DNAAF9: variants seen among roughly 807,000 people sequenced by gnomAD.
DNAAF9 encodes shulin.
DNAAF9 carries 90 observed loss-of-function variants against 167.0 expected under a neutral mutation model. The observed-to-expected ratio is 0.54, with a 90% CI of 0.45 to 0.64. DNAAF9 has a LOEUF of 0.64. Ranked by LOEUF, DNAAF9 falls within the 30% of genes least tolerant of loss-of-function variation. The pLI is 0.00. For synonymous variants in DNAAF9, 491 were observed against 508.8 expected (o/e 0.96, Z 0.47); for missense variants, 1,315 against 1,442.2 (o/e 0.91, Z 1.43).
intron 1 of DNAAF9, among the ~76,000 whole-genome samples, chr20:3,393,192 T>C (rs142812602): frequency 0.013 from 1,958 of 152,260 alleles, 41 homozygotes; most frequent in African/African-American, 0.045. Flanking sequence ...ATTTATTTAT[T>C]TTTGAGACAG....
rs540663638 is a variant in DNAAF9, at chr20:3,376,892, G to A, written c.284-590C>T. On this transcript the variant is annotated intron_variant, in intron 3 of 36. Coordinates refer to ENST00000252032, the MANE Select transcript of DNAAF9 (RefSeq NM_001009984.3). ...AGCCTGACCAACATGGTGAAACCCC[G>A]TCTCTACTAAAAACAAAAACACAAA... Among the ~76,000 whole-genome samples, 11 of 152,158 alleles carry A rather than the reference G, an allele frequency of 7.2e-5. 2 individuals are homozygous for A. Among genetic ancestry groups the A allele is most frequent in the African/African-American group, 2.4e-4 (10 of 41,530 alleles).
chr20:3,354,182 T>C (rs933530610), intron 7 of DNAAF9, among the ~76,000 whole-genome samples: 2 of 152,190 alleles, frequency 1.3e-5, no homozygotes, highest in African/African-American at 4.8e-5. Flanking sequence ...CAGAAAAATA[T>C]CTAGACAAAA....
chr20:3,284,374 G>T (rs1165704355), intron 27 of DNAAF9, among the ~76,000 whole-genome samples: 1 of 151,798 alleles, frequency 6.6e-6, no homozygotes, highest in Non-Finnish European at 1.5e-5. Context: ...TAGAGACAGG[G>T]TTTCCTCATG....
intron 23 of DNAAF9, chr20:3,295,719 C>T (rs2069062603): frequency 1.6e-6 from 1 of 607,836 alleles, no homozygotes; most frequent in Admixed American, 1.9e-5. Context: ...CTTTTATTAT[C>T]TGGCATAACG....
At position 3,304,444 on chromosome 20, in the gene DNAAF9, T is replaced by C. The variant is rs777294396; in HGVS notation, c.1778A>G (p.Asp593Gly). Residue 593 changes from aspartate to glycine, a missense_variant, in exon 21 of 37, where the codon GAT (aspartate) becomes GGT (glycine). Around this residue, in one of 2 missense-constraint regions of DNAAF9, gnomAD observed 981 missense variants for 1,012.5 expected, o/e 0.97. Transcript: ENST00000252032. ...ACTGACTAGTAAAACACCTACCCCATCATAGAAGGAAATGGAATTCATGTG... is the reference window on the plus strand; with the variant it reads ...ACTGACTAGTAAAACACCTACCCCACCATAGAAGGAAATGGAATTCATGTG... ...KDHMNSISFY[D>G]GDSTSTVAAL... is the part of the protein sequence containing the mutation. 3.4e-5 allele frequency: 47 copies of C among 1,392,642 alleles called. No individual in the cohort carries two copies. The highest frequency in any genetic ancestry group is 4.7e-5 in the Non-Finnish European group (46 of 978,680). 86.3% of individuals were successfully genotyped at this position (1,392,642 alleles called of 1,614,324 possible).
intron 6 of DNAAF9, among the ~76,000 whole-genome samples, chr20:3,359,862 G>C (rs1351291245): frequency 6.6e-6 from 1 of 152,128 alleles, no homozygotes; most frequent in South Asian, 2.1e-4. Context: ...ATACAGACTT[G>C]TGTATATTGT....
At chr20:3,365,303 G>A (rs898789174) in intron 6 of DNAAF9, among the ~76,000 whole-genome samples, 1 of 151,982 alleles carries the variant, frequency 6.6e-6, no homozygotes, top group African/African-American at 2.4e-5. Flanking sequence ...CAACAATGAA[G>A]TTTGTCACAT....
At chr20:3,310,237 G>C (rs1253102917) in intron 20 of DNAAF9, among the ~76,000 whole-genome samples, 1 of 148,096 alleles carries the variant, frequency 6.8e-6, no homozygotes, top group Non-Finnish European at 1.5e-5. Flanking sequence ...TCGAGAGAAA[G>C]AGAGAGAAAC....
At chr20:3,343,627 C>G in intron 9 of DNAAF9, 49 bp downstream of exon 9, 1 of 1,492,402 alleles carries the variant, frequency 6.7e-7, no homozygotes, top group Non-Finnish European at 9.3e-7. Flanking sequence ...TTTGCCACCT[C>G]CATTTTCTCT....
intron 29 of DNAAF9, among the ~76,000 whole-genome samples, chr20:3,277,179 C>T (rs1743820056): frequency 6.6e-6 from 1 of 152,224 alleles, no homozygotes; most frequent in Non-Finnish European, 1.5e-5. Flanking sequence ...GAGCTGGCTT[C>T]AGCCCTCACC....
At chr20:3,306,877 T>C (rs2069307484) in intron 20 of DNAAF9, 1 of 983,748 alleles carries the variant, frequency 1.0e-6, no homozygotes. Flanking sequence ...AAGATGACTC[T>C]ACTTACTGTT....
chr20:3,298,947 C>T (rs955357469), intron 21 of DNAAF9, among the ~76,000 whole-genome samples: 6 of 127,348 alleles, frequency 4.7e-5, no homozygotes, highest in African/African-American at 1.8e-4. Context: ...CTCACTCTGT[C>T]GTCCAGGCTG....
chr20:3,367,474 C>G (rs1345077438), intron 6 of DNAAF9, among the ~76,000 whole-genome samples: 10 of 152,212 alleles, frequency 6.6e-5, no homozygotes, highest in Admixed American at 6.5e-4. Context: ...AACATGCCTC[C>G]TTCACCAAGC....
chr20:3,286,948 T>C (rs555550643), intron 27 of DNAAF9, among the ~76,000 whole-genome samples: 102 of 152,070 alleles, frequency 6.7e-4, no homozygotes, highest in Non-Finnish European at 9.7e-4. Flanking sequence ...GAGCCTGGAG[T>C]GGTGATGGGT....
chr20:3,376,223 C>A lies in DNAAF9; in HGVS notation c.363G>T (p.Val121=). 6.2e-7 allele frequency: 1 copy of A among 1,613,674 alleles called. No individual in the cohort carries two copies. The highest frequency in any genetic ancestry group is 8.5e-7 in the Non-Finnish European group (1 of 1,179,732). The change falls in exon 4 of 37, where the codon GTG becomes GTT. Residue 121 remains valine (V), a synonymous_variant. Transcript: ENST00000252032. ...PVNFRYLLPY[V]AHWRNLHFHC... ...GGAAATGCAGATTTCTCCAATGTGC[C>A]ACATAAGGTAAGAGATAGCGAAAGT...
intron 6 of DNAAF9, 57 bp from the exon 7 acceptor site, chr20:3,359,650 GAATT>G (rs745477738): frequency 2.8e-5 from 34 of 1,229,830 alleles, no homozygotes; most frequent in Non-Finnish European, 4.0e-5. Flanking sequence ...AGGACAATCA[GAATT>G]ATTTTCTGAT....
intron 6 of DNAAF9, among the ~76,000 whole-genome samples, chr20:3,361,466 G>A (rs2083364159): frequency 6.6e-6 from 1 of 152,156 alleles, no homozygotes; most frequent in African/African-American, 2.4e-5. Context: ...CAGGCTAGAC[G>A]GCTGTTGTTG....
intron 27 of DNAAF9, among the ~76,000 whole-genome samples, chr20:3,284,168 A>G (rs887868777): frequency 2.8e-5 from 4 of 144,702 alleles, no homozygotes; most frequent in African/African-American, 1.0e-4. Context: ...TCAAGTTACT[A>G]GAGTCTTTTT....
At chr20:3,399,281 C>T (rs576907743) in intron 1 of DNAAF9, among the ~76,000 whole-genome samples, 3 of 152,050 alleles carry the variant, frequency 2.0e-5, no homozygotes, top group South Asian at 2.1e-4. Context: ...TACAATGGTG[C>T]GATCTCGGCT....
Sources: allele counts gnomAD v4.1 joint callset (sites outside exome capture counted in the v4.1 genomes callset), GRCh38; gene constraint gnomAD v4.1.1; regional missense constraint gnomAD v4.1.1; transcripts MANE v1.5; gene names NCBI Gene and HGNC (gene_info 2026-07-23, HGNC 2026-07-21).